PCDHGC3: variants seen among roughly 807,000 people sequenced by gnomAD.
The protein encoded by PCDHGC3 is protocadherin gamma-C3.
PCDHGC3 carries 26 observed loss-of-function variants against 59.2 expected under a neutral mutation model. That is an observed-to-expected ratio of 0.44 (90% CI 0.32 to 0.61). The LOEUF (loss-of-function observed/expected upper bound fraction) is 0.61. Among genes scored for constraint, PCDHGC3 ranks in the 20% least tolerant of loss-of-function variants. The pLI is 0.05. For missense variants in PCDHGC3, 1,080 were observed against 1,221.8 expected (o/e 0.88, Z 1.73); for synonymous variants, 487 against 519.7 (o/e 0.94, Z 0.86).
In PCDHGC3 at chr5:141,476,073, A is replaced by C. The variant is rs765071344; in HGVS notation, c.-44A>C. On this transcript the variant is annotated 5_prime_UTR_variant, in exon 1 of 4. Coordinates refer to ENST00000308177, the MANE Select transcript of PCDHGC3 (RefSeq NM_002588.4). The surrounding 1 kb of genome is among the most constrained non-coding windows in gnomAD (Gnocchi z 7.6). ...GCTGAAAGTTTCTCAGCGAAATCTC[A>C]GGGACGATCTGGACCCCGCTGAGAG... 4 of 1,524,010 alleles carry C rather than the reference A, an allele frequency of 2.6e-6. No individual in the cohort carries two copies. Among genetic ancestry groups the C allele is most frequent in the Admixed American group, 4.2e-5 (2 of 47,746 alleles). The allele number at this position is 1,524,010 out of a possible 1,614,324, so 94.4% of individuals were successfully genotyped here. A position where few individuals can be genotyped will look rare whatever the true frequency, so the allele number is the denominator to read the frequency against.
At chr5:141,478,891 A>G (rs1045274228) in intron 1 of PCDHGC3, 10 of 1,122,064 alleles carry the variant, frequency 8.9e-6, no homozygotes, top group Admixed American at 3.1e-5. Context: ...TATCATTTAC[A>G]TTAGGAATAA....
Position 141,486,200 on chromosome 5 carries a change from G to A in PCDHGC3, c.2430+7654G>A, listed in dbSNP as rs764874531. The stretch of plus-strand genomic sequence containing the variant: ...CAGCCTTCGAGTGGATCTGCTGGAC[G>A]TAAATGACAATGCCCCTTACATCAC... On this transcript the variant is annotated intron_variant, in intron 1 of 3. Transcript: ENST00000308177. The surrounding 1 kb of genome is among the most constrained non-coding windows in gnomAD (Gnocchi z 5.0). The A allele has an allele frequency of 2.0e-5, 32 of 1,614,096 alleles. No homozygotes were observed. Among genetic ancestry groups the A allele is most frequent in the Non-Finnish European group, 2.3e-5 (27 of 1,180,040 alleles).
At chr5:141,503,479 G>A (rs1203644194) in intron 2 of PCDHGC3, among the ~76,000 whole-genome samples, 5 of 151,616 alleles carry the variant, frequency 3.3e-5, no homozygotes, top group African/African-American at 9.7e-5. Context: ...TGCACTTGTC[G>A]TCCCAGCTGC....
chr5:141,491,845 G>A lies in PCDHGC3; in HGVS notation c.2431-2962G>A. 6.8e-7 allele frequency: 1 copy of A among 1,463,944 alleles called. No homozygotes were observed. The highest frequency in any genetic ancestry group is 9.0e-7 in the Non-Finnish European group (1 of 1,106,126). 90.7% of individuals were successfully genotyped at this position (1,463,944 alleles called of 1,614,324 possible). ...CTCCACCCGATTCTCGGGATCATTGGACCGTTTGCGCGAAACCAGAGTGGC... is the reference window on the plus strand; with the variant it reads ...CTCCACCCGATTCTCGGGATCATTGAACCGTTTGCGCGAAACCAGAGTGGC... On this transcript the variant is annotated intron_variant, in intron 1 of 3. Coordinates refer to ENST00000308177, the MANE Select transcript of PCDHGC3 (RefSeq NM_002588.4). This position sits in a 1 kb window ranked among gnomAD's most constrained non-coding sequence, Gnocchi z 6.9.
Position 141,489,595 on chromosome 5 carries a change from G to A in PCDHGC3, c.2431-5212G>A. The A allele has an allele frequency of 1.2e-6, 2 of 1,614,132 alleles. No individual in the cohort carries two copies. Among genetic ancestry groups the A allele is most frequent in the Non-Finnish European group, 1.7e-6 (2 of 1,180,004 alleles). On this transcript the variant is annotated intron_variant, in intron 1 of 3. Coordinates refer to ENST00000308177, the MANE Select transcript of PCDHGC3 (RefSeq NM_002588.4). The surrounding 1 kb of genome is among the most constrained non-coding windows in gnomAD (Gnocchi z 4.5). Reference sequence around the variant, plus strand: ...TGAACACCCCCTGGAGCTAATCCGTGTAGAGGTAGAGATCCTGGATCTCAA... The same window carrying A: ...TGAACACCCCCTGGAGCTAATCCGTATAGAGGTAGAGATCCTGGATCTCAA...
In PCDHGC3 at chr5:141,477,854, C is replaced by G; in HGVS notation, c.1738C>G (p.Leu580Val). 3.1e-6 allele frequency: 5 copies of G among 1,614,098 alleles called. No individual in the cohort carries two copies. Among genetic ancestry groups the G allele is most frequent in the Non-Finnish European group, 4.2e-6 (5 of 1,180,004 alleles). ...PRPGGSSVEM[L>V]PRGTSAGHLV... ...GCCAGGTGGGAGCTCGGTGGAGATG[C>G]TGCCTCGAGGTACCTCAGCTGGCCA... The change falls in exon 1 of 4, where the codon CTG (leucine) becomes GTG (valine). Residue 580 changes from leucine (L) to valine (V), a missense_variant. By Grantham distance (32) the Leu-to-Val change is conservative (BLOSUM62 1). Transcript: ENST00000308177. This position sits in a 1 kb window ranked among gnomAD's most constrained non-coding sequence, Gnocchi z 4.9.
rs777924092 is a variant in PCDHGC3 at position 141,487,482 on chromosome 5, A to T, written c.2431-7325A>T. The T allele has an allele frequency of 1.2e-6, 2 of 1,614,164 alleles. No individual in the cohort carries two copies. Among genetic ancestry groups the T allele is most frequent in the South Asian group, 2.2e-5 (2 of 91,086 alleles). ...TTTGTTGATGTGGGAGGCCACTCTCATGGCTGTACACCCTTGGCTTCTGCA... is the reference window on the plus strand; with the variant it reads ...TTTGTTGATGTGGGAGGCCACTCTCTTGGCTGTACACCCTTGGCTTCTGCA... On this transcript the variant is annotated intron_variant, in intron 1 of 3. Coordinates refer to ENST00000308177, the MANE Select transcript of PCDHGC3 (RefSeq NM_002588.4). The surrounding 1 kb of genome is among the most constrained non-coding windows in gnomAD (Gnocchi z 5.0).
rs142590218 is a variant in PCDHGC3, at chr5:141,489,982, C to T, written c.2431-4825C>T. On this transcript the variant is annotated intron_variant, in intron 1 of 3. Coordinates refer to ENST00000308177, the MANE Select transcript of PCDHGC3 (RefSeq NM_002588.4). This position sits in a 1 kb window ranked among gnomAD's most constrained non-coding sequence, Gnocchi z 4.5. ...TCCAACCTTCCAATCCTCAGTTCTA[C>T]GTGTGGGAATCCCAGAGAATGCACC... The T allele has an allele frequency of 2.9e-5, 47 of 1,614,010 alleles. No individual in the cohort carries two copies. The highest frequency in any genetic ancestry group is 3.7e-5 in the Non-Finnish European group (44 of 1,179,964).
In PCDHGC3 at chr5:141,476,255, G is replaced by A. The variant is rs767691159; in HGVS notation, c.139G>A (p.Val47Met). 6.2e-7 allele frequency: 1 copy of A among 1,614,090 alleles called. No individual in the cohort carries two copies. Among genetic ancestry groups the A allele is most frequent in the Admixed American group, 1.7e-5 (1 of 60,022 alleles). ...GGAGGAAAGAGAGAAGGGTTTCGCT[G>A]TGGGCAACGTGGTCGCGAACCTTGG... ...IPEEREKGFAVGNVVANLGLD... is the reference protein window; with the variant it reads ...IPEEREKGFAMGNVVANLGLD... Residue 47 changes from valine (V) to methionine (M), a missense_variant, in exon 1 of 4, where the codon GTG becomes ATG. Physicochemically the swap from Val to Met is conservative, Grantham distance 21 (BLOSUM62 1). Transcript: ENST00000308177. The surrounding 1 kb of genome is among the most constrained non-coding windows in gnomAD (Gnocchi z 7.6).
At position 141,485,656 on chromosome 5, in the gene PCDHGC3, T is replaced by C. The variant is rs147216126; in HGVS notation, c.2430+7110T>C. On this transcript the variant is annotated intron_variant, in intron 1 of 3. Coordinates refer to ENST00000308177, the MANE Select transcript of PCDHGC3 (RefSeq NM_002588.4). This position sits in a 1 kb window ranked among gnomAD's most constrained non-coding sequence, Gnocchi z 5.7. ...CGTTGGAAAAGGCTCAGGATGCAGA[T>C]GTGGGGAGCAATTCGATTAGCAGCT... 23 of 1,612,648 alleles carry C rather than the reference T, an allele frequency of 1.4e-5. No homozygotes were observed. The African/African-American group carries it at 2.8e-4, about 20-fold the overall frequency.
Position 141,478,137 on chromosome 5 carries a change from G to C in PCDHGC3, c.2021G>C (p.Arg674Pro), listed in dbSNP as rs762316494. Residue 674 changes from arginine to proline, a missense_variant, in exon 1 of 4, where the codon CGA (arginine) becomes CCA (proline). Transcript: ENST00000308177. The stretch of plus-strand genomic sequence containing the variant: ...GTAACCGAGGACTCTCCTGAAGCCC[G>C]AGCCGAGTTCCCCTCTGGCTCTGCC... ...VSVTEDSPEA[R>P]AEFPSGSAPR... The C allele has an allele frequency of 6.2e-7, 1 of 1,613,872 alleles. No individual in the cohort carries two copies. The highest frequency in any genetic ancestry group is 1.1e-5 in the South Asian group (1 of 91,064).
intron 3 of PCDHGC3, among the ~76,000 whole-genome samples, chr5:141,505,969 A>G (rs1454691041): frequency 1.3e-5 from 2 of 152,142 alleles, no homozygotes; most frequent in Non-Finnish European, 2.9e-5. Context: ...AGAAATCCCC[A>G]GCCGAGAGAA....
chr5:141,506,544 G>GT (rs2099854759), intron 3 of PCDHGC3, among the ~76,000 whole-genome samples: 1 of 151,880 alleles, frequency 6.6e-6, no homozygotes, highest in Non-Finnish European at 1.5e-5. Flanking sequence ...GAGTCCTTAG[G>GT]TAAGTTATTA....
chr5:141,499,418 A>G (rs143234735), intron 2 of PCDHGC3, among the ~76,000 whole-genome samples: 1 of 152,296 alleles, frequency 6.6e-6, no homozygotes, highest in East Asian at 1.9e-4. Context: ...GAAACATGAA[A>G]AATAGAAAAA....
At chr5:141,496,412 T>C (rs1322376676) in intron 2 of PCDHGC3, among the ~76,000 whole-genome samples, 1 of 152,180 alleles carries the variant, frequency 6.6e-6, no homozygotes, top group African/African-American at 2.4e-5. Context: ...GGTTGAGTAC[T>C]TGCTGTCCAC....
Position 141,477,691 on chromosome 5 carries a change from A to G in PCDHGC3, c.1575A>G (p.Leu525=), listed in dbSNP as rs1315811441. 6.2e-7 allele frequency: 1 copy of G among 1,614,188 alleles called. No homozygotes were observed. Among genetic ancestry groups the G allele is most frequent in the South Asian group, 1.1e-5 (1 of 91,090 alleles). Residue 525 remains leucine, a synonymous_variant, in exon 1 of 4, where the codon CTA becomes CTG. Coordinates refer to ENST00000308177, the MANE Select transcript of PCDHGC3 (RefSeq NM_002588.4). This position sits in a 1 kb window ranked among gnomAD's most constrained non-coding sequence, Gnocchi z 4.9. ...GCATAGTGTCATCCTTAGTGCCCCT[A>G]GACTATGAGGATCGGCGGGAATTTG... ...DNGIVSSLVP[L]DYEDRREFEL... is the part of the protein sequence containing the mutation.
rs1421246315 is a variant in PCDHGC3 at position 141,491,880 on chromosome 5, G to A, written c.2431-2927G>A. The A allele has an allele frequency of 1.1e-5, 16 of 1,449,714 alleles. No homozygotes were observed. The highest frequency in any genetic ancestry group is 1.5e-5 in the Non-Finnish European group (16 of 1,096,892). 89.8% of individuals were successfully genotyped at this position (1,449,714 alleles called of 1,614,324 possible). A position where few individuals can be genotyped will look rare whatever the true frequency, so the allele number is the denominator to read the frequency against. ...GCGAAACCAGAGTGGCCGATTAAGGGATGGGGCTCCGAGCACCGGGGGTGG... is the reference window on the plus strand; with the variant it reads ...GCGAAACCAGAGTGGCCGATTAAGGAATGGGGCTCCGAGCACCGGGGGTGG... On this transcript the variant is annotated intron_variant, in intron 1 of 3. Coordinates refer to ENST00000308177, the MANE Select transcript of PCDHGC3 (RefSeq NM_002588.4). The surrounding 1 kb of genome is among the most constrained non-coding windows in gnomAD (Gnocchi z 6.9).
chr5:141,489,794 T>TA lies in PCDHGC3; in HGVS notation c.2431-5009dup. The TA allele has an allele frequency of 1.2e-6, 2 of 1,614,120 alleles. No homozygotes were observed. The highest frequency in any genetic ancestry group is 2.2e-5 in the South Asian group (2 of 91,076). The stretch of plus-strand genomic sequence containing the variant: ...CACTTCTCTCTGAATGTGAAGACCC[T>TA]AAAAGATGGGAAGCCATTCCCAGAG... On this transcript the variant is annotated intron_variant, in intron 1 of 3. Transcript: ENST00000308177. This position sits in a 1 kb window ranked among gnomAD's most constrained non-coding sequence, Gnocchi z 4.5.
In PCDHGC3 at chr5:141,486,005, A is replaced by G. The variant is rs1057476811; in HGVS notation, c.2430+7459A>G. On this transcript the variant is annotated intron_variant, in intron 1 of 3. Transcript: ENST00000308177. This position sits in a 1 kb window ranked among gnomAD's most constrained non-coding sequence, Gnocchi z 5.0. Reference sequence around the variant, plus strand: ...GGACCTGGGTCCCAGTGGTAACGTCACCTTTTATTTCAGTGGTCATACCCC... The same window carrying G: ...GGACCTGGGTCCCAGTGGTAACGTCGCCTTTTATTTCAGTGGTCATACCCC... 1.9e-6 allele frequency: 3 copies of G among 1,613,936 alleles called. No homozygotes were observed. The Admixed American group carries it at 5.0e-5, about 27-fold the overall frequency.
Sources: allele counts gnomAD v4.1 joint callset (sites outside exome capture counted in the v4.1 genomes callset), GRCh38; gene constraint gnomAD v4.1.1; non-coding constraint Gnocchi (gnomAD v3.1); transcripts MANE v1.5; gene names NCBI Gene and HGNC (gene_info 2026-07-23, HGNC 2026-07-21).